SMOC2: variants seen among roughly 807,000 people sequenced by gnomAD.
The protein encoded by SMOC2 is SPARC related modular calcium binding 2.
In SMOC2, 39 loss-of-function variants were observed where a neutral mutation model predicts 61.4. The observed-to-expected ratio is 0.64, with a 90% CI of 0.49 to 0.83. SMOC2 has a LOEUF of 0.83. Among genes scored for constraint, SMOC2 ranks in the 40% least tolerant of loss-of-function variants. The pLI, the probability that SMOC2 is intolerant of heterozygous loss-of-function variation, is 0.00. For missense variants in SMOC2, 556 were observed against 592.9 expected, an observed-to-expected ratio of 0.94 and a Z score of 0.65; for synonymous variants, 247 against 239.9, an observed-to-expected ratio of 1.03 and a Z score of -0.27.
intron 9 of SMOC2, among the ~76,000 whole-genome samples, chr6:168,620,939 G>A (rs529209919): frequency 2.1e-4 from 32 of 149,884 alleles, no homozygotes; most frequent in African/African-American, 7.1e-4. Flanking sequence ...CATCAGCCGC[G>A]TGTCAAACTC....
chr6:168,614,291 G>GGC (rs1464705812), intron 9 of SMOC2, among the ~76,000 whole-genome samples: 20 of 70,090 alleles, frequency 2.9e-4, no homozygotes, highest in African/African-American at 1.3e-3. Context: ...CCAGCACAGG[G>GGC]CCTCTTCACA....
intron 1 of SMOC2, among the ~76,000 whole-genome samples, chr6:168,482,639 G>A (rs1250162191): frequency 1.3e-5 from 2 of 151,952 alleles, no homozygotes; most frequent in Non-Finnish European, 2.9e-5. Flanking sequence ...TATGAACATC[G>A]ATGCCAAAAT....
At chr6:168,478,389 A>G (rs2115020661) in intron 1 of SMOC2, among the ~76,000 whole-genome samples, 1 of 152,334 alleles carries the variant, frequency 6.6e-6, no homozygotes, top group Admixed American at 6.5e-5. Flanking sequence ...GTTTTAGGGA[A>G]GTCTTTAAAT....
chr6:168,528,725 C>T (rs1783514661), intron 4 of SMOC2, among the ~76,000 whole-genome samples: 1 of 152,222 alleles, frequency 6.6e-6, no homozygotes, highest in Non-Finnish European at 1.5e-5. Context: ...CATGGGGATG[C>T]ATGATGTGGA....
At position 168,667,713 on chromosome 6, in the gene SMOC2, T is replaced by C. The variant is rs532063238; in HGVS notation, c.*1275T>C. ...ATTCTATCTCGGCTCAGACTTTTGG[T>C]TGGAAAAAGATCTTCATGGCCCCAA... On this transcript the variant is annotated 3_prime_UTR_variant, in exon 13 of 13. Transcript: ENST00000356284. 2.6e-5 allele frequency: 4 copies of C among 152,250 alleles called. No individual in the cohort carries two copies. Among genetic ancestry groups the C allele is most frequent in the Admixed American group, 6.5e-5 (1 of 15,296 alleles). 9.4% of individuals were successfully genotyped at this position (152,250 alleles called of 1,614,324 possible).
In SMOC2 at chr6:168,519,066, TGA is replaced by T. The variant is rs568854817; in HGVS notation, c.257-7278_257-7277del. Among the ~76,000 whole-genome samples, 352 of 150,882 alleles carry T rather than the reference TGA, an allele frequency of 2.3e-3. 4 individuals carry two copies. In the South Asian group the frequency reaches 0.028, roughly 12 times the overall value. The stretch of plus-strand genomic sequence containing the variant: ...GCATGTGTGAGCATGCATATGTGTG[TGA>T]GTGTATGTATGCGTGCATGTGTGAA... On this transcript the variant is annotated intron_variant, in intron 2 of 12. Coordinates refer to ENST00000356284, the MANE Select transcript of SMOC2 (RefSeq NM_001166412.2).
At chr6:168,629,779 G>A (rs1328716115) in intron 9 of SMOC2, among the ~76,000 whole-genome samples, 1 of 152,222 alleles carries the variant, frequency 6.6e-6, no homozygotes, top group Non-Finnish European at 1.5e-5. Flanking sequence ...CTGTCTCCAT[G>A]CAGAGTTCCC....
At chr6:168,634,280 T>C (rs2342647) in intron 9 of SMOC2, among the ~76,000 whole-genome samples, 4 of 152,082 alleles carry the variant, frequency 2.6e-5, no homozygotes, top group African/African-American at 9.7e-5. Flanking sequence ...AGAATGATAC[T>C]AAGTCCTGAG....
chr6:168,632,338 A>G (rs1322399315), intron 9 of SMOC2, among the ~76,000 whole-genome samples: 1 of 152,208 alleles, frequency 6.6e-6, no homozygotes, highest in Non-Finnish European at 1.5e-5. Flanking sequence ...AAGAATCAAC[A>G]ACTTTGCTAT....
Position 168,653,069 on chromosome 6 carries a change from A to C in SMOC2, c.1126A>C (p.Lys376Gln). The C allele has an allele frequency of 6.2e-7, 1 of 1,614,200 alleles. No homozygotes were observed. The highest frequency in any genetic ancestry group is 2.2e-5 in the East Asian group (1 of 44,884). Residue 376 changes from lysine (K) to glutamine (Q), a missense_variant, in exon 11 of 13, where the codon AAG (lysine) becomes CAG (glutamine). Coordinates refer to ENST00000356284, the MANE Select transcript of SMOC2 (RefSeq NM_001166412.2). Reference sequence around the variant, plus strand: ...CGGCAAAAAGGAAATCAAACCCTTCAAGAGGTTCCTTCGCAAAAAATCAAA... The same window carrying C: ...CGGCAAAAAGGAAATCAAACCCTTCCAGAGGTTCCTTCGCAAAAAATCAAA... ...DIGKKEIKPF[K>Q]RFLRKKSKPK...
At chr6:168,633,437 G>A (rs75501289) in intron 9 of SMOC2, among the ~76,000 whole-genome samples, 3,665 of 152,210 alleles carry the variant, frequency 0.024, 282 homozygotes, top group Admixed American at 0.16. Flanking sequence ...GCTGCACACC[G>A]GCTTTGCCAC....
At chr6:168,469,158 C>G (rs1781912913) in intron 1 of SMOC2, among the ~76,000 whole-genome samples, 1 of 152,190 alleles carries the variant, frequency 6.6e-6, no homozygotes. Flanking sequence ...TCCAAGAGTC[C>G]TTGCCCTGAT....
chr6:168,574,408 T>C (rs954667593), intron 7 of SMOC2, among the ~76,000 whole-genome samples: 2 of 152,224 alleles, frequency 1.3e-5, no homozygotes, highest in Non-Finnish European at 2.9e-5. Flanking sequence ...GCGCAGATCC[T>C]GTGGGCAGCA....
At chr6:168,627,070 T>C (rs2115242261) in intron 9 of SMOC2, among the ~76,000 whole-genome samples, 1 of 152,308 alleles carries the variant, frequency 6.6e-6, no homozygotes. Context: ...AGGAGCTAGA[T>C]ATTTGTAAAA....
At chr6:168,596,670 A>AAAG (rs1463972274) in intron 7 of SMOC2, among the ~76,000 whole-genome samples, 2 of 152,280 alleles carry the variant, frequency 1.3e-5, no homozygotes, top group Non-Finnish European at 2.9e-5. Context: ...AACATTTCGC[A>AAAG]CAACCCCTGC....
Position 168,581,511 on chromosome 6 carries a change from G to A in SMOC2, c.638-17307G>A, listed in dbSNP as rs571406309. 3.9e-5 allele frequency among the ~76,000 whole-genome samples: 6 copies of A among 152,328 alleles called. 1 individual carries two copies. Among genetic ancestry groups the A allele is most frequent in the African/African-American group, 1.4e-4 (6 of 41,580 alleles). ...GGTCTGACACTGACGTTTGAGAATCGCTGCCCTAGTCACATTCTTGCCGGG... is the reference window on the plus strand; with the variant it reads ...GGTCTGACACTGACGTTTGAGAATCACTGCCCTAGTCACATTCTTGCCGGG... On this transcript the variant is annotated intron_variant, in intron 7 of 12. Coordinates refer to ENST00000356284, the MANE Select transcript of SMOC2 (RefSeq NM_001166412.2).
chr6:168,481,417 T>C (rs567987025), intron 1 of SMOC2, among the ~76,000 whole-genome samples: 2 of 152,208 alleles, frequency 1.3e-5, no homozygotes, highest in South Asian at 2.1e-4. Context: ...TGTATGTTAT[T>C]GAAGTTAAGC....
chr6:168,628,884 A>G (rs2342643), intron 9 of SMOC2, among the ~76,000 whole-genome samples: 137,606 of 152,266 alleles, frequency 0.9, 62,263 homozygotes, highest in Middle Eastern at 0.99. Context: ...CGGAACACAC[A>G]GTTTCCGACC....
At chr6:168,457,682 C>G (rs1249131526) in intron 1 of SMOC2, among the ~76,000 whole-genome samples, 1 of 152,134 alleles carries the variant, frequency 6.6e-6, no homozygotes, top group Non-Finnish European at 1.5e-5. Flanking sequence ...TCCCCACGCC[C>G]ACGAGTACAT....
Sources: gnomAD v4.1 joint callset for allele counts (sites outside exome capture counted in the v4.1 genomes callset) on GRCh38, gnomAD v4.1.1 for gene constraint, MANE v1.5 for transcripts, NCBI Gene and HGNC (gene_info 2026-07-23, HGNC 2026-07-21) for gene names.